The following PLCH1 variants were observed in gnomAD, a reference collection of about 807,000 sequenced individuals.
PLCH1 encodes phospholipase C eta 1, also known as 1-phosphatidylinositol 4,5-bisphosphate phosphodiesterase eta-1.
PLCH1 carries 60 observed loss-of-function variants against 126.7 expected under a neutral mutation model. The ratio of observed to expected loss-of-function variants is 0.47; its 90% CI spans 0.38 to 0.59. The LOEUF (loss-of-function observed/expected upper bound fraction) is 0.59, where lower values mean the gene tolerates loss of function less well. Ranked by LOEUF, PLCH1 falls within the 20% of genes least tolerant of loss-of-function variation. PLCH1 has a pLI of 0.00. For synonymous variants in PLCH1, 719 were observed against 734.9 expected, an observed-to-expected ratio of 0.98 and a Z score of 0.35; for missense variants, 1,723 against 2,040.0, an observed-to-expected ratio of 0.84 and a Z score of 2.99.
intron 2 of PLCH1, among the ~76,000 whole-genome samples, chr3:155,684,093 A>G (rs1344891639): frequency 6.6e-6 from 1 of 152,222 alleles, no homozygotes; most frequent in Non-Finnish European, 1.5e-5. Flanking sequence ...CTGCCCAGGC[A>G]TGGCTTGACT....
intron 2 of PLCH1, among the ~76,000 whole-genome samples, chr3:155,632,922 C>T (rs1040164089): frequency 6.6e-6 from 1 of 152,216 alleles, no homozygotes; most frequent in Non-Finnish European, 1.5e-5. Flanking sequence ...CACACACACA[C>T]ACATCAAAAT....
chr3:155,710,970 C>CT (rs35033002), intron 1 of PLCH1, among the ~76,000 whole-genome samples: 32,426 of 136,032 alleles, frequency 0.24, 4,018 homozygotes, highest in Middle Eastern at 0.33. Context: ...GCACTGTGGT[C>CT]TTTTTTTTTT....
chr3:155,608,580 G>A lies in PLCH1; in HGVS notation c.80-12202C>T, dbSNP rs375476114. On this transcript the variant is annotated intron_variant, in intron 2 of 22. Transcript: ENST00000460012. ...ACTAGCTTCATGGAAGCTGTGTGAGGCCCGTCACTGCCAGCTTTCCCCCAC... is the reference window on the plus strand; with the variant it reads ...ACTAGCTTCATGGAAGCTGTGTGAGACCCGTCACTGCCAGCTTTCCCCCAC... 7.9e-5 allele frequency among the ~76,000 whole-genome samples: 12 copies of A among 152,028 alleles called. No homozygotes were observed. In the East Asian group the frequency reaches 1.5e-3, roughly 20 times the overall value.
chr3:155,672,436 C>T (rs1173721121), intron 2 of PLCH1, among the ~76,000 whole-genome samples: 3 of 152,138 alleles, frequency 2.0e-5, no homozygotes, highest in Admixed American at 2.0e-4. Flanking sequence ...AATAGGGAAA[C>T]AGCCATATTC....
chr3:155,658,058 T>C (rs1850851), intron 2 of PLCH1: 11 of 213,174 alleles, frequency 5.2e-5, no homozygotes, highest in African/African-American at 2.1e-4. Flanking sequence ...ACAAAACCGG[T>C]TGGTGGTGAC....
At chr3:155,579,399 C>T (rs1413142092) in intron 6 of PLCH1, among the ~76,000 whole-genome samples, 1 of 152,226 alleles carries the variant, frequency 6.6e-6, no homozygotes, top group Non-Finnish European at 1.5e-5. Flanking sequence ...AATTCTCACT[C>T]TACTCTTGCA....
At chr3:155,531,796 G>A (rs1722722150) in intron 10 of PLCH1, among the ~76,000 whole-genome samples, 1 of 152,196 alleles carries the variant, frequency 6.6e-6, no homozygotes, top group Admixed American at 6.5e-5. Flanking sequence ...AACTCTGCTA[G>A]CTCCAGACTT....
chr3:155,587,485 CACTCTTCT>C (rs1191933239), intron 4 of PLCH1, among the ~76,000 whole-genome samples: 1 of 152,152 alleles, frequency 6.6e-6, no homozygotes, highest in African/African-American at 2.4e-5. Flanking sequence ...TGATTTAGCA[CACTCTTCT>C]ACACATAAGG....
At chr3:155,512,087 A>AAT (rs1352042623) in intron 12 of PLCH1, among the ~76,000 whole-genome samples, 7 of 149,620 alleles carry the variant, frequency 4.7e-5, no homozygotes, top group African/African-American at 1.7e-4. Context: ...TGAAAAGCGC[A>AAT]ATATTCAGGT....
At chr3:155,461,684 G>A (rs1212507463) in intron 21 of PLCH1, among the ~76,000 whole-genome samples, 1 of 152,168 alleles carries the variant, frequency 6.6e-6, no homozygotes, top group Non-Finnish European at 1.5e-5. Flanking sequence ...AGTGTGGTAT[G>A]ATATGTTGAG....
At chr3:155,451,700 T>C (rs1368494395) in intron 21 of PLCH1, among the ~76,000 whole-genome samples, 1 of 152,218 alleles carries the variant, frequency 6.6e-6, no homozygotes, top group Non-Finnish European at 1.5e-5. Flanking sequence ...TTAAAAGTAA[T>C]GGCAAAATAC....
chr3:155,600,354 C>A (rs1009499162), intron 2 of PLCH1, among the ~76,000 whole-genome samples: 1 of 152,180 alleles, frequency 6.6e-6, no homozygotes, highest in Admixed American at 6.5e-5. Context: ...AGTTACCACC[C>A]CTAAAAATCA....
intron 2 of PLCH1, among the ~76,000 whole-genome samples, chr3:155,643,184 AGTG>A (rs1298940179): frequency 1.3e-5 from 2 of 152,048 alleles, no homozygotes; most frequent in African/African-American, 4.8e-5. Context: ...CCTGACCTCC[AGTG>A]GTCCACCCAC....
chr3:155,730,972 C>T lies in PLCH1; in HGVS notation c.-41+13868G>A, dbSNP rs551706603. Among the ~76,000 whole-genome samples, 3 of 152,346 alleles carry T rather than the reference C, an allele frequency of 2.0e-5. No homozygotes were observed. The East Asian group carries it at 5.8e-4, about 29-fold the overall frequency. ...GGCCTGCACAATTCCAGACTCCAGA[C>T]CGGTAACCATGGACTGAGCCTCCAG... On this transcript the variant is annotated intron_variant, in intron 1 of 22. Transcript: ENST00000460012.
At chr3:155,707,089 A>G (rs143744475) in intron 1 of PLCH1, among the ~76,000 whole-genome samples, 2 of 152,268 alleles carry the variant, frequency 1.3e-5, no homozygotes, top group East Asian at 1.9e-4. Context: ...CTTCCACCAT[A>G]TGAGAACACA....
downstream of PLCH1, among the ~76,000 whole-genome samples, chr3:155,476,051 A>C (rs369301514): frequency 1.3e-5 from 2 of 152,178 alleles, no homozygotes; most frequent in African/African-American, 4.8e-5. Flanking sequence ...ATATTGATGC[A>C]AAAATCCGTA....
chr3:155,462,879 G>T (rs1413451945), intron 21 of PLCH1, among the ~76,000 whole-genome samples: 1 of 152,206 alleles, frequency 6.6e-6, no homozygotes, highest in Non-Finnish European at 1.5e-5. Context: ...GTGGATGCCT[G>T]GAGGGATTGT....
At chr3:155,486,508 A>T (rs1487775305) in intron 21 of PLCH1, among the ~76,000 whole-genome samples, 1 of 144,194 alleles carries the variant, frequency 6.9e-6, no homozygotes, top group Non-Finnish European at 1.5e-5. Context: ...TTCTGGCTCA[A>T]GTTTGTTTTT....
chr3:155,692,600 C>T (rs1393452249), intron 2 of PLCH1, among the ~76,000 whole-genome samples: 1 of 151,998 alleles, frequency 6.6e-6, no homozygotes, highest in East Asian at 1.9e-4. Flanking sequence ...GGGCACTTAC[C>T]ACAGCAACAT....
Sources: gnomAD v4.1 joint callset for allele counts (sites outside exome capture counted in the v4.1 genomes callset) on GRCh38, gnomAD v4.1.1 for gene constraint, MANE v1.5 for transcripts, NCBI Gene and HGNC (gene_info 2026-07-23, HGNC 2026-07-21) for gene names.